The following STK32B variants were observed in gnomAD, a reference collection of about 807,000 sequenced individuals.
STK32B encodes serine/threonine kinase 32B.
STK32B carries 43 observed loss-of-function variants against 52.6 expected under a neutral mutation model. The ratio of observed to expected loss-of-function variants is 0.82; its 90% confidence interval spans 0.64 to 1.05. STK32B has a LOEUF of 1.05. Among genes scored for constraint, STK32B ranks in the 50% least tolerant of loss-of-function variants. The pLI, the probability that STK32B is intolerant of heterozygous loss-of-function variation, is 0.00. For missense variants in STK32B, 621 were observed against 534.6 expected, an observed-to-expected ratio of 1.16 and a Z score of -1.59; for synonymous variants, 238 against 204.3, an observed-to-expected ratio of 1.17 and a Z score of -1.41.
At chr4:5,361,967 C>T (rs1341830512) in intron 4 of STK32B, among the ~76,000 whole-genome samples, 1 of 152,174 alleles carries the variant, frequency 6.6e-6, no homozygotes, top group Non-Finnish European at 1.5e-5. Flanking sequence ...CTTTCATATT[C>T]ATACTAATTG....
intron 11 of STK32B, among the ~76,000 whole-genome samples, chr4:5,475,697 CAA>C (rs879367650): frequency 8.9e-6 from 1 of 112,154 alleles, no homozygotes. Flanking sequence ...TACTCCGTTC[CAA>C]AAAAAAAAAA....
In STK32B at chr4:5,233,613, T is replaced by C. The variant is rs541009707; in HGVS notation, c.260+65163T>C. ...TTAAAGTAGATGAAGAATTCCAAAG[T>C]GTAGCCAAGGTAGTGGATAGTTGGA... On this transcript the variant is annotated intron_variant, in intron 3 of 11. Coordinates refer to ENST00000282908, the MANE Select transcript of STK32B (RefSeq NM_018401.3). Among the ~76,000 whole-genome samples the C allele has an allele frequency of 2.1e-3, 322 of 151,116 alleles. 1 individual carries two copies. Among genetic ancestry groups the C allele is most frequent in the African/African-American group, 7.4e-3 (307 of 41,236 alleles).
At chr4:5,426,517 C>A (rs1051447386) in intron 6 of STK32B, among the ~76,000 whole-genome samples, 1 of 151,808 alleles carries the variant, frequency 6.6e-6, no homozygotes, top group South Asian at 2.1e-4. Flanking sequence ...CCAGCCTGGC[C>A]AACATGGAGA....
chr4:5,368,566 G>T (rs1346475758), intron 4 of STK32B, among the ~76,000 whole-genome samples: 1 of 152,188 alleles, frequency 6.6e-6, no homozygotes, highest in Non-Finnish European at 1.5e-5. Flanking sequence ...GAGCACTCAG[G>T]TACAGAGAGG....
chr4:5,041,551 C>T, the STK32B span, among the ~76,000 whole-genome samples: 1 of 151,972 alleles, frequency 6.6e-6, no homozygotes, highest in Non-Finnish European at 1.5e-5. Context: ...ATGAAAATGC[C>T]TCTAGGGAAG....
At chr4:5,230,020 C>T (rs747163254) in intron 3 of STK32B, among the ~76,000 whole-genome samples, 1 of 151,798 alleles carries the variant, frequency 6.6e-6, no homozygotes, top group Non-Finnish European at 1.5e-5. Flanking sequence ...AAGATGGAGT[C>T]TCGCTCTTGT....
chr4:5,373,492 C>A (rs968804642), intron 4 of STK32B, among the ~76,000 whole-genome samples: 5 of 152,196 alleles, frequency 3.3e-5, no homozygotes, highest in African/African-American at 1.2e-4. Context: ...GAAGATCAGA[C>A]CTTTTGTTCT....
chr4:5,460,071 T>C lies in STK32B; in HGVS notation c.784-32T>C, dbSNP rs775045502. ...CCCGCTAACCTTGAGGGATGCCCAA[T>C]TCATGGAAACTCATTTGCCCTCTAA... On this transcript the variant is annotated intron_variant, in intron 8 of 11. Coordinates refer to ENST00000282908, the MANE Select transcript of STK32B (RefSeq NM_018401.3). This position sits in a 1 kb window ranked among gnomAD's most constrained non-coding sequence, Gnocchi z 4.8. The C allele has an allele frequency of 1.5e-5, 24 of 1,614,156 alleles. No homozygotes were observed. The South Asian group carries it at 2.5e-4, about 17-fold the overall frequency.
At chr4:5,311,508 A>T (rs1025772935) in intron 3 of STK32B, among the ~76,000 whole-genome samples, 2 of 152,190 alleles carry the variant, frequency 1.3e-5, no homozygotes, top group South Asian at 4.1e-4. Flanking sequence ...TGATTCTTCA[A>T]AAATATTTAA....
At chr4:5,412,657 TCTGTAAAGACAAGGTTAGTAATA>T (rs1711794492) in intron 5 of STK32B, among the ~76,000 whole-genome samples, 1 of 152,162 alleles carries the variant, frequency 6.6e-6, no homozygotes, top group Non-Finnish European at 1.5e-5. Flanking sequence ...AGGTTATTAT[TCTGTAAAGACAAGGTTAGTAATA>T]CCCTCCTCTC....
chr4:5,227,387 C>T (rs1723950607), intron 3 of STK32B, among the ~76,000 whole-genome samples: 1 of 152,154 alleles, frequency 6.6e-6, no homozygotes, highest in African/African-American at 2.4e-5. Context: ...TTATTTAGAC[C>T]TTCCACATAT....
intron 1 of STK32B, among the ~76,000 whole-genome samples, chr4:5,068,520 G>C (rs1387756997): frequency 6.6e-6 from 1 of 152,126 alleles, no homozygotes; most frequent in Non-Finnish European, 1.5e-5. Flanking sequence ...TTTCCAAGAG[G>C]TTAACTAAGT....
chr4:5,351,102 A>G (rs903446176), intron 4 of STK32B, among the ~76,000 whole-genome samples: 2 of 151,988 alleles, frequency 1.3e-5, no homozygotes, highest in African/African-American at 4.8e-5. Flanking sequence ...ACCACGAAAC[A>G]CACTGGTTTT....
Position 5,302,239 on chromosome 4 carries a change from G to A in STK32B, c.261-28981G>A, listed in dbSNP as rs766401341. ...AAAAAAATCACAAAGAATTATATAT[G>A]CTTTCAGTGTATCCCCAGATTAACA... On this transcript the variant is annotated intron_variant, in intron 3 of 11. Transcript: ENST00000282908. Among the ~76,000 whole-genome samples the A allele has an allele frequency of 1.5e-3, 232 of 150,834 alleles. 1 individual carries two copies. Among genetic ancestry groups the A allele is most frequent in the Non-Finnish European group, 1.9e-3 (132 of 67,752 alleles).
intron 3 of STK32B, among the ~76,000 whole-genome samples, chr4:5,306,565 A>T (rs1170881355): frequency 6.6e-6 from 1 of 152,034 alleles, no homozygotes; most frequent in African/African-American, 2.4e-5. Context: ...AAGAGAGCAG[A>T]TACTTGGTTG....
At chr4:5,452,828 A>G (rs1389332616) in intron 7 of STK32B, among the ~76,000 whole-genome samples, 1 of 152,122 alleles carries the variant, frequency 6.6e-6, no homozygotes, top group East Asian at 1.9e-4. Flanking sequence ...CCCACACTCC[A>G]TAATAAGTAT....
At chr4:5,233,934 C>T (rs1366703963) in intron 3 of STK32B, among the ~76,000 whole-genome samples, 1 of 151,912 alleles carries the variant, frequency 6.6e-6, no homozygotes, top group Non-Finnish European at 1.5e-5. Context: ...CCGGAGTGTG[C>T]ACAAGTGCCC....
chr4:5,462,521 C>G (rs932061463), intron 9 of STK32B, among the ~76,000 whole-genome samples: 3 of 152,128 alleles, frequency 2.0e-5, no homozygotes, highest in African/African-American at 7.2e-5. Flanking sequence ...ATTCCGCTGG[C>G]CAATGAGAAA....
chr4:5,101,355 A>C (rs1005942584), intron 1 of STK32B, among the ~76,000 whole-genome samples: 1 of 152,168 alleles, frequency 6.6e-6, no homozygotes, highest in Non-Finnish European at 1.5e-5. Context: ...TGTTTCTCTG[A>C]AAGAGAGAGG....
Sources: allele counts gnomAD v4.1 joint callset (sites outside exome capture counted in the v4.1 genomes callset), GRCh38; gene constraint gnomAD v4.1.1; non-coding constraint Gnocchi (gnomAD v3.1); transcripts MANE v1.5; gene names NCBI Gene and HGNC (gene_info 2026-07-23, HGNC 2026-07-21).